DGKD: variants seen among roughly 807,000 people sequenced by gnomAD.
DGKD encodes DAG kinase delta.
DGKD carries 68 observed loss-of-function variants against 154.4 expected under a neutral mutation model. That is an observed-to-expected ratio of 0.44 (90% confidence interval 0.36 to 0.54). The LOEUF (loss-of-function observed/expected upper bound fraction) is 0.54. Among genes scored for constraint, DGKD ranks in the 20% least tolerant of loss-of-function variants. The probability of loss-of-function intolerance (pLI) is 0.00; values close to 1 mark genes in which losing one functional copy is unlikely to be tolerated. For synonymous variants in DGKD, 693 were observed against 638.0 expected, an observed-to-expected ratio of 1.09 and a Z score of -1.30; for missense variants, 1,343 against 1,593.6, an observed-to-expected ratio of 0.84 and a Z score of 2.68.
At chr2:233,387,149 T>G (rs1051114897) in intron 1 of DGKD, among the ~76,000 whole-genome samples, 1 of 152,232 alleles carries the variant, frequency 6.6e-6, no homozygotes, top group Non-Finnish European at 1.5e-5. Context: ...TGTCTTGCTT[T>G]TGCTGGTTTT....
chr2:233,387,798 G>A (rs838717), intron 1 of DGKD, among the ~76,000 whole-genome samples: 96,235 of 152,052 alleles, frequency 0.63, 31,215 homozygotes, highest in African/African-American at 0.79. Flanking sequence ...CCCCAGAGCC[G>A]CTGACGTAGA....
At position 233,438,398 on chromosome 2, in the gene DGKD, A is replaced by T; in HGVS notation, c.1085+19A>T. 1 of 1,594,896 alleles carries T rather than the reference A, an allele frequency of 6.3e-7. No homozygotes were observed. Among genetic ancestry groups the T allele is most frequent in the East Asian group, 2.2e-5 (1 of 44,500 alleles). On this transcript the variant is annotated intron_variant, in intron 9 of 29. Coordinates refer to ENST00000264057, the MANE Select transcript of DGKD (RefSeq NM_152879.3). The surrounding 1 kb of genome is among the most constrained non-coding windows in gnomAD (Gnocchi z 4.1). ...ACCTCGGGTAGGAAGCTTGTAAAAT[A>T]TATCTTTCTTGGAGTTTTAAAAATT...
In DGKD at chr2:233,445,958, A is replaced by C. The variant is rs1426612156; in HGVS notation, c.1334+196A>C. On this transcript the variant is annotated intron_variant, in intron 11 of 29. Coordinates refer to ENST00000264057, the MANE Select transcript of DGKD (RefSeq NM_152879.3). This position sits in a 1 kb window ranked among gnomAD's most constrained non-coding sequence, Gnocchi z 5.5. ...ACAAGGATAAAAACAAAACAGGTTA[A>C]GAACCAGCCATGCCCTAGGATGATC... Among the ~76,000 whole-genome samples, 1 of 152,236 alleles carries C rather than the reference A, an allele frequency of 6.6e-6. No homozygotes were observed. The highest frequency in any genetic ancestry group is 1.5e-5 in the Non-Finnish European group (1 of 68,028).
intron 3 of DGKD, among the ~76,000 whole-genome samples, chr2:233,395,760 T>C (rs776880263): frequency 6.6e-5 from 10 of 151,430 alleles, no homozygotes; most frequent in Non-Finnish European, 1.0e-4. Flanking sequence ...CCTTGAAATA[T>C]CAGGCTCAAG....
intron 1 of DGKD, among the ~76,000 whole-genome samples, chr2:233,363,760 G>C (rs888948979): frequency 7.9e-5 from 12 of 152,160 alleles, no homozygotes; most frequent in African/African-American, 2.9e-4. Context: ...GTTATATTTA[G>C]ATACGCAAAT....
chr2:233,377,805 T>A (rs775551268), intron 1 of DGKD, among the ~76,000 whole-genome samples: 18 of 151,970 alleles, frequency 1.2e-4, no homozygotes, highest in Non-Finnish European at 2.5e-4. Flanking sequence ...GCCTCTTTGG[T>A]TTTTTTGTTT....
At chr2:233,447,629 G>C (rs1237820618) in intron 12 of DGKD, 1 of 994,372 alleles carries the variant, frequency 1.0e-6, no homozygotes, top group East Asian at 1.1e-4. Flanking sequence ...AGGACAGCAG[G>C]GATCCCACAG....
In DGKD at chr2:233,467,172, CAAA is replaced by C. The variant is rs758365301; in HGVS notation, c.3394_3396del (p.Lys1132del). The C allele has an allele frequency of 3.1e-6, 5 of 1,614,068 alleles. No homozygotes were observed. The highest frequency in any genetic ancestry group is 4.2e-6 in the Non-Finnish European group (5 of 1,180,020). On this transcript the variant is annotated inframe_deletion, in exon 28 of 30. Coordinates refer to ENST00000264057, the MANE Select transcript of DGKD (RefSeq NM_152879.3). ...TTAAAAAGGAGAAAAACAACAAGAACAAAGAAGCTCACAGTAGCCTGGGAGCCC... is the reference window on the plus strand; with the variant it reads ...TTAAAAAGGAGAAAAACAACAAGAACGAAGCTCACAGTAGCCTGGGAGCCC...
At chr2:233,365,229 G>T (rs1701964307) in intron 1 of DGKD, among the ~76,000 whole-genome samples, 1 of 151,648 alleles carries the variant, frequency 6.6e-6, no homozygotes, top group African/African-American at 2.4e-5. Flanking sequence ...CACAAGAACG[G>T]AACTTTTTTT....
chr2:233,413,273 G>A (rs767910356), intron 3 of DGKD, among the ~76,000 whole-genome samples: 2 of 152,048 alleles, frequency 1.3e-5, no homozygotes, highest in South Asian at 2.1e-4. Flanking sequence ...GTGTTACCCC[G>A]CCTCTGTTTT....
intron 1 of DGKD, among the ~76,000 whole-genome samples, chr2:233,386,690 A>C (rs757127351): frequency 2.0e-5 from 3 of 152,150 alleles, no homozygotes; most frequent in Non-Finnish European, 4.4e-5. Context: ...CTTCTTCAGA[A>C]GTGTGAGGTG....
intron 1 of DGKD, among the ~76,000 whole-genome samples, chr2:233,380,686 G>T (rs977809894): frequency 7.2e-5 from 11 of 152,142 alleles, no homozygotes; most frequent in South Asian, 6.2e-4. Context: ...GTGTGGGGGG[G>T]TGTTAACACC....
rs2062630108 is a variant in DGKD, at chr2:233,434,612, C to T, written c.453+128C>T. On this transcript the variant is annotated intron_variant, in intron 4 of 29. Coordinates refer to ENST00000264057, the MANE Select transcript of DGKD (RefSeq NM_152879.3). The stretch of plus-strand genomic sequence containing the variant: ...TCACGTTCTTAGCATGTTCTTTATA[C>T]AATTAAAGCTTATTGCTTGTCCTCT... 4 of 1,426,992 alleles carry T rather than the reference C, an allele frequency of 2.8e-6. No homozygotes were observed. The African/African-American group carries it at 4.3e-5, about 15-fold the overall frequency. 88.4% of individuals were successfully genotyped at this position (1,426,992 alleles called of 1,614,324 possible).
At chr2:233,404,828 C>A (rs1379611855) in intron 3 of DGKD, among the ~76,000 whole-genome samples, 1 of 152,026 alleles carries the variant, frequency 6.6e-6, no homozygotes, top group African/African-American at 2.4e-5. Flanking sequence ...AGTGGCACAT[C>A]CTGGAATGAG....
intron 28 of DGKD, 128 bp from the exon 29 acceptor site, chr2:233,468,295 C>CT (rs2063893040): frequency 4.3e-6 from 5 of 1,174,702 alleles, no homozygotes; most frequent in Non-Finnish European, 6.0e-6. Context: ...GCTGGGCTGT[C>CT]TCGGGTGCTG....
rs1421973162 is a variant in DGKD at position 233,397,356 on chromosome 2, C to T, written c.348+6873C>T. Among the ~76,000 whole-genome samples, 48 of 78,848 alleles carry T rather than the reference C, an allele frequency of 6.1e-4. 2 individuals are homozygous for T. The highest frequency in any genetic ancestry group is 1.4e-3 in the Admixed American group (8 of 5,576). 51.7% of individuals were successfully genotyped at this position (78,848 alleles called of 152,430 possible). A position where few individuals can be genotyped will look rare whatever the true frequency, so the allele number is the denominator to read the frequency against. On this transcript the variant is annotated intron_variant, in intron 3 of 29. Transcript: ENST00000264057. Reference sequence around the variant, plus strand: ...AGGGGACCAGGGTGGCTGAGGGGGGCAGCAGAGTGAGAGGACTCCAGAGGG... The same window carrying T: ...AGGGGACCAGGGTGGCTGAGGGGGGTAGCAGAGTGAGAGGACTCCAGAGGG...
chr2:233,467,104 G>A lies in DGKD; in HGVS notation c.3325G>A (p.Ala1109Thr). 6.2e-7 allele frequency: 1 copy of A among 1,614,062 alleles called. No homozygotes were observed. The highest frequency in any genetic ancestry group is 8.5e-7 in the Non-Finnish European group (1 of 1,179,882). Residue 1109 changes from alanine (A) to threonine (T), a missense_variant, in exon 28 of 30, where the codon GCC becomes ACC. By Grantham distance (58) the Ala-to-Thr change is moderately conservative. This residue lies in a region of DGKD where 429 missense variants were observed against 496.3 expected (regional missense o/e 0.86). Coordinates refer to ENST00000264057, the MANE Select transcript of DGKD (RefSeq NM_152879.3). The part of the protein sequence containing the change: ...GDEESVMLDL[A>T]KRSRSGKFRL... The stretch of plus-strand genomic sequence containing the variant: ...CCAACAGAGTGTGATGCTGGATCTT[G>A]CCAAGCGCAGTCGCAGTGGTAAATT...
At chr2:233,404,805 C>T (rs979196252) in intron 3 of DGKD, among the ~76,000 whole-genome samples, 2 of 152,132 alleles carry the variant, frequency 1.3e-5, no homozygotes, top group South Asian at 2.1e-4. Flanking sequence ...ATTGGGTGAA[C>T]GTCTGCTGTT....
chr2:233,429,023 T>C lies in DGKD; in HGVS notation c.349-5357T>C, dbSNP rs539467078. On this transcript the variant is annotated intron_variant, in intron 3 of 29. Coordinates refer to ENST00000264057, the MANE Select transcript of DGKD (RefSeq NM_152879.3). ...TGGTCACTTGTATCTTAACTCACTGTCTTTAAACCTAATGCTTTTGTCTAT... is the reference window on the plus strand; with the variant it reads ...TGGTCACTTGTATCTTAACTCACTGCCTTTAAACCTAATGCTTTTGTCTAT... The C allele has an allele frequency of 3.1e-4, 211 of 677,844 alleles. 1 individual carries two copies. The highest frequency in any genetic ancestry group is 1.2e-3 in the Admixed American group (19 of 15,910). 42.0% of individuals were successfully genotyped at this position (677,844 alleles called of 1,614,324 possible).
Sources: gnomAD v4.1 joint callset for allele counts (sites outside exome capture counted in the v4.1 genomes callset) on GRCh38, gnomAD v4.1.1 for gene constraint, gnomAD v4.1.1 regional missense constraint, Gnocchi (gnomAD v3.1) non-coding constraint, MANE v1.5 for transcripts, NCBI Gene and HGNC (gene_info 2026-07-23, HGNC 2026-07-21) for gene names.